TMEM247: variants seen among roughly 807,000 people sequenced by gnomAD.
The protein encoded by TMEM247 is transmembrane protein ENSP00000343375.
A neutral mutation model predicts 20.7 loss-of-function variants in TMEM247; 23 were observed. The observed-to-expected ratio is 1.11, with a 90% CI of 0.80 to 1.57. TMEM247 has a LOEUF of 1.57. TMEM247 is among the 40% of genes most tolerant of loss of function. The pLI is 0.00. For synonymous variants in TMEM247, 106 were observed against 111.9 expected (o/e 0.95, Z 0.33); for missense variants, 354 against 283.8 (o/e 1.25, Z -1.78).
At chr2:46,479,822 C>T in intron 1 of TMEM247, 120 bp downstream of exon 1, 1 of 710,712 alleles carries the variant, frequency 1.4e-6, no homozygotes, top group Admixed American at 2.5e-5. Flanking sequence ...GACATGTACC[C>T]CAGCCCTGTA....
chr2:46,481,277 G>A (rs1005540433), intron 2 of TMEM247, among the ~76,000 whole-genome samples: 4 of 152,146 alleles, frequency 2.6e-5, no homozygotes, highest in Non-Finnish European at 5.9e-5. Context: ...TTATTCTGTT[G>A]GATCATACTG....
At chr2:46,482,868 C>T (rs1686915691) in intron 2 of TMEM247, among the ~76,000 whole-genome samples, 1 of 152,234 alleles carries the variant, frequency 6.6e-6, no homozygotes, top group African/African-American at 2.4e-5. Context: ...GTTGCCCTCA[C>T]ATTTTATGCA....
intron 1 of TMEM247, 31 bp from the exon 2 acceptor site, chr2:46,480,374 G>T (rs748587672): frequency 3.3e-5 from 49 of 1,506,838 alleles, no homozygotes; most frequent in Non-Finnish European, 4.0e-5. Context: ...ACTCTTCAAG[G>T]TACCTCCCCT....
chr2:46,484,188 A>G, intron 2 of TMEM247, 56 bp from the exon 3 acceptor site: 9 of 1,476,618 alleles, frequency 6.1e-6, no homozygotes, highest in Non-Finnish European at 8.2e-6. Context: ...CTGAACCTAG[A>G]TCTGCCTGGC....
chr2:46,480,149 C>T (rs1278759207), intron 1 of TMEM247, among the ~76,000 whole-genome samples: 1 of 152,130 alleles, frequency 6.6e-6, no homozygotes, highest in Non-Finnish European at 1.5e-5. Context: ...GAAAAATGGA[C>T]ATCAATCTAC....
At chr2:46,482,976 C>G (rs1374228261) in intron 2 of TMEM247, among the ~76,000 whole-genome samples, 32 of 152,156 alleles carry the variant, frequency 2.1e-4, no homozygotes, top group Non-Finnish European at 2.9e-5. Flanking sequence ...GGGGAGTTGA[C>G]TTGATGTTGT....
chr2:46,484,172 G>A, intron 2 of TMEM247, 72 bp from the exon 3 acceptor site: 1 of 1,355,690 alleles, frequency 7.4e-7, no homozygotes. Context: ...CAGGGTCAGA[G>A]CAGGACTGAA....
chr2:46,484,415 T>A, exon 3 of TMEM247: 1 of 1,551,450 alleles, frequency 6.4e-7, no homozygotes, highest in Admixed American at 2.0e-5. Flanking sequence ...GATTAAAACT[T>A]TCTGGTCATA....
chr2:46,480,626 C>T lies in TMEM247; in HGVS notation c.339C>T (p.Phe113=), dbSNP rs566145397. The T allele has an allele frequency of 1.1e-5, 16 of 1,392,246 alleles. No individual in the cohort carries two copies. In the African/African-American group the frequency reaches 2.3e-4, roughly 20 times the overall value. 86.2% of individuals were successfully genotyped at this position (1,392,246 alleles called of 1,614,324 possible). The change falls in exon 2 of 3, where the codon TTC becomes TTT. Residue 113 remains phenylalanine (F), a synonymous_variant. Transcript: ENST00000434431. The stretch of plus-strand genomic sequence containing the variant: ...AGCTGGAGAAGGTGCGCATGGAGTT[C>T]GAGCTCACGCGGCTCAAGTACCTGC...
chr2:46,480,824 G>A, intron 2 of TMEM247, 60 bp downstream of exon 2: 1 of 1,481,614 alleles, frequency 6.7e-7, no homozygotes, highest in Non-Finnish European at 9.0e-7. Flanking sequence ...GTCCCATGGG[G>A]CCTGGAGCAG....
At chr2:46,481,623 G>A (rs377282520) in intron 2 of TMEM247, among the ~76,000 whole-genome samples, 5 of 152,284 alleles carry the variant, frequency 3.3e-5, no homozygotes, top group African/African-American at 7.2e-5. Flanking sequence ...GAGAACACAC[G>A]CAAAGCACTT....
chr2:46,484,290 C>T, exon 3 of TMEM247: 1 of 1,552,016 alleles, frequency 6.4e-7, no homozygotes. Context: ...AACCAGTTTG[C>T]CATGTTCCTG....
chr2:46,483,873 G>A (rs751949965), intron 2 of TMEM247, among the ~76,000 whole-genome samples: 5 of 152,178 alleles, frequency 3.3e-5, no homozygotes, highest in East Asian at 1.9e-4. Context: ...CCATAACCCC[G>A]AACTCTTGGG....
intron 2 of TMEM247, among the ~76,000 whole-genome samples, chr2:46,483,063 CTTTGAGTGTG>C (rs1558644242): frequency 6.6e-6 from 1 of 152,128 alleles, no homozygotes; most frequent in African/African-American, 2.4e-5. Context: ...GAAAATACCT[CTTTGAGTGTG>C]TTTCTAGCTA....
chr2:46,480,641 C>T, exon 2 of TMEM247: 1 of 1,551,718 alleles, frequency 6.4e-7, no homozygotes, highest in South Asian at 1.2e-5. Context: ...TCACGCGGCT[C>T]AAGTACCTGC....
chr2:46,480,781 G>C lies in TMEM247; in HGVS notation c.477+17G>C. The C allele has an allele frequency of 8.0e-7, 1 of 1,244,854 alleles. No homozygotes were observed. The highest frequency in any genetic ancestry group is 6.1e-5 in the East Asian group (1 of 16,520). 77.1% of individuals were successfully genotyped at this position (1,244,854 alleles called of 1,614,324 possible). On this transcript the variant is annotated intron_variant, in intron 2 of 2. Transcript: ENST00000434431. ...CCCCGCCTGGTGGGTGACAAGGAAC[G>C]GGGCACTGGGAGGAGGGAGGCCTGG...
intron 2 of TMEM247, among the ~76,000 whole-genome samples, chr2:46,483,446 G>C (rs527604157): frequency 6.6e-6 from 1 of 152,334 alleles, no homozygotes; most frequent in East Asian, 1.9e-4. Flanking sequence ...CACGTGATAT[G>C]TGTCAGGACC....
intron 2 of TMEM247, among the ~76,000 whole-genome samples, chr2:46,481,770 G>A (rs1686894162): frequency 6.6e-6 from 1 of 152,232 alleles, no homozygotes. Flanking sequence ...GGGATATGAT[G>A]TATTAGCTGT....
In TMEM247 at chr2:46,480,260, A is replaced by G. The variant is rs1290261779; in HGVS notation, c.118-145A>G. On this transcript the variant is annotated intron_variant, in intron 1 of 2. Transcript: ENST00000434431. ...GGTCCTGACAACTCCCGGTAAGAGC[A>G]CTTCTAATAAGAATTCAGCCTAGAT... 5 of 956,232 alleles carry G rather than the reference A, an allele frequency of 5.2e-6. No individual in the cohort carries two copies. In the Admixed American group the frequency reaches 1.5e-4, roughly 29 times the overall value. 59.2% of individuals were successfully genotyped at this position (956,232 alleles called of 1,614,324 possible).
Sources: allele counts gnomAD v4.1 joint callset (sites outside exome capture counted in the v4.1 genomes callset), GRCh38; gene constraint gnomAD v4.1.1; transcripts MANE v1.5; gene names NCBI Gene and HGNC (gene_info 2026-07-23, HGNC 2026-07-21).